Variants in SNHG17 observed in about 807,000 individuals in gnomAD.
SNHG17 encodes small nucleolar RNA host gene 17.
chr20:38,426,995 T>TACACATACACACACAC (rs1555851342), intron 3 of SNHG17, among the ~76,000 whole-genome samples: 1 of 125,580 alleles, frequency 8.0e-6, no homozygotes, highest in Admixed American at 8.2e-5. Flanking sequence ...AAGTTACACA[T>TACACATACACACACAC]ACACACACAC....
intron 5 of SNHG17, chr20:38,425,445 C>A: frequency 2.4e-6 from 1 of 417,516 alleles, no homozygotes; most frequent in Non-Finnish European, 4.8e-6. Flanking sequence ...CCTAGAATTG[C>A]AGCAGCTGCT....
At chr20:38,434,111 T>G (rs1338930766) in intron 2 of SNHG17, 1 of 438,362 alleles carries the variant, frequency 2.3e-6, no homozygotes, top group African/African-American at 2.0e-5. Context: ...CATCATCACT[T>G]CACAGGCAGA....
chr20:38,431,232 G>A (rs1041418857), intron 2 of SNHG17: 1 of 152,262 alleles, frequency 6.6e-6, no homozygotes, highest in Non-Finnish European at 1.5e-5. Flanking sequence ...CTCAGGAGGT[G>A]AATGTACTGA....
intron 3 of SNHG17, chr20:38,429,039 C>T (rs1417618587): frequency 3.3e-5 from 5 of 152,298 alleles, no homozygotes; most frequent in Non-Finnish European, 5.9e-5. Context: ...TGTAATGAAC[C>T]CGATCTCCTT....
chr20:38,433,164 T>TG (rs2084365541), intron 2 of SNHG17, among the ~76,000 whole-genome samples: 1 of 151,874 alleles, frequency 6.6e-6, no homozygotes, highest in African/African-American at 2.4e-5. Context: ...TTAGTAGAGA[T>TG]GGGGTTTCAC....
chr20:38,430,177 C>T (rs1326612143), intron 3 of SNHG17, among the ~76,000 whole-genome samples: 1 of 152,056 alleles, frequency 6.6e-6, no homozygotes, highest in African/African-American at 2.4e-5. Context: ...AAACATTAGC[C>T]AGGCATGGTG....
intron 2 of SNHG17, chr20:38,432,063 A>C (rs1477892270): frequency 1.0e-6 from 1 of 985,368 alleles, no homozygotes; most frequent in East Asian, 1.1e-4. Context: ...TCTCTGCACC[A>C]ATCAGCCTCC....
At chr20:38,422,928 T>C (rs2084182954) in intron 5 of SNHG17, among the ~76,000 whole-genome samples, 2 of 151,794 alleles carry the variant, frequency 1.3e-5, no homozygotes, top group Non-Finnish European at 2.9e-5. Flanking sequence ...CCATCTCTAC[T>C]AGAAATACAA....
intron 2 of SNHG17, among the ~76,000 whole-genome samples, chr20:38,433,523 G>C (rs995829923): frequency 6.6e-6 from 1 of 152,170 alleles, no homozygotes; most frequent in African/African-American, 2.4e-5. Flanking sequence ...CTTGAGTACA[G>C]GAGTTCAAGC....
chr20:38,429,725 A>C (rs754740913), intron 3 of SNHG17: 1 of 513,556 alleles, frequency 1.9e-6, no homozygotes, highest in South Asian at 1.4e-5. Context: ...AAACACGGGG[A>C]AGTGCTCTCG....
chr20:38,431,570 A>G lies in SNHG17; in HGVS notation n.309-458T>C, dbSNP rs79850716. On this transcript the variant is annotated intron_variant and non_coding_transcript_variant, in intron 2 of 8. Transcript: ENST00000654008. Reference sequence around the variant, plus strand: ...GAGAAGTAAAGGAAAGACCCTCCAGATGAGAAAGCTGGCAGACTTCTTCGG... The same window carrying G: ...GAGAAGTAAAGGAAAGACCCTCCAGGTGAGAAAGCTGGCAGACTTCTTCGG... 6.9e-3 allele frequency among the ~76,000 whole-genome samples: 1,051 copies of G among 152,330 alleles called. 12 individuals are homozygous for G. The highest frequency in any genetic ancestry group is 0.024 in the African/African-American group (989 of 41,570).
intron 5 of SNHG17, among the ~76,000 whole-genome samples, chr20:38,422,528 G>A (rs1409118068): frequency 6.6e-6 from 1 of 152,122 alleles, no homozygotes; most frequent in Non-Finnish European, 1.5e-5. Flanking sequence ...TGAGAAAAAT[G>A]GCATCTATGC....
At position 38,427,079 on chromosome 20, in the gene SNHG17, A is replaced by T. The variant is rs898603520; in HGVS notation, n.381-576T>A. On this transcript the variant is annotated intron_variant and non_coding_transcript_variant, in intron 3 of 8. Coordinates refer to ENST00000654008, the Ensembl canonical transcript of SNHG17. ...CAACCTCAAAGTCTCCCTCATGTTT[A>T]TATGCCAATATTGCACTTATTCGAA... 2.7e-5 allele frequency among the ~76,000 whole-genome samples: 4 copies of T among 150,474 alleles called. 1 individual carries two copies. The highest frequency in any genetic ancestry group is 5.9e-5 in the Non-Finnish European group (4 of 67,712).
At position 38,421,173 on chromosome 20, in the gene SNHG17, A is replaced by T. The variant is rs1305509894; in HGVS notation, n.735-75T>A. On this transcript the variant is annotated intron_variant and non_coding_transcript_variant, in intron 6 of 8. Coordinates refer to ENST00000654008, the Ensembl canonical transcript of SNHG17. Reference sequence around the variant, plus strand: ...TCCTCCCCAAGCTGACACCACTGAGAGGGGTCCCATTCAAGCAGGGCGAAG... The same window carrying T: ...TCCTCCCCAAGCTGACACCACTGAGTGGGGTCCCATTCAAGCAGGGCGAAG... 2.0e-5 allele frequency: 3 copies of T among 152,342 alleles called. No individual in the cohort carries two copies. The East Asian group carries it at 5.8e-4, about 29-fold the overall frequency. The allele number at this position is 152,342 out of a possible 1,614,324, so 9.4% of individuals were successfully genotyped here.
chr20:38,425,885 C>G (rs1194486078), intron 5 of SNHG17: 2 of 153,068 alleles, frequency 1.3e-5, no homozygotes, highest in African/African-American at 4.8e-5. Context: ...TGGTGAGACT[C>G]CGCCTCTACA....
intron 3 of SNHG17, among the ~76,000 whole-genome samples, chr20:38,430,490 G>A (rs1197819078): frequency 1.3e-5 from 2 of 148,734 alleles, no homozygotes; most frequent in Admixed American, 6.7e-5. Flanking sequence ...ACATGGTGGC[G>A]GGCACCTGTA....
At chr20:38,435,135 G>C (rs759599155) in intron 1 of SNHG17, 31 of 1,232,158 alleles carry the variant, frequency 2.5e-5, no homozygotes, top group Non-Finnish European at 2.7e-5. Flanking sequence ...CGCCTTCCCC[G>C]GGGCCTCAGT....
At chr20:38,431,665 A>G (rs1244829948) in intron 2 of SNHG17, among the ~76,000 whole-genome samples, 6 of 152,356 alleles carry the variant, frequency 3.9e-5, no homozygotes, top group African/African-American at 1.2e-4. Context: ...CCAGACGAGA[A>G]AACTGAAGAT....
At chr20:38,430,440 G>A (rs2084323670) in intron 3 of SNHG17, among the ~76,000 whole-genome samples, 1 of 151,576 alleles carries the variant, frequency 6.6e-6, no homozygotes, top group Non-Finnish European at 1.5e-5. Context: ...GATCAGCCTG[G>A]CCAACACCAT....
Sources: allele counts gnomAD v4.1 joint callset (sites outside exome capture counted in the v4.1 genomes callset), GRCh38; gene constraint gnomAD v4.1.1; transcripts MANE v1.5; gene names NCBI Gene and HGNC (gene_info 2026-07-23, HGNC 2026-07-21).